PGM3: variants seen among roughly 807,000 people sequenced by gnomAD.
The protein encoded by PGM3 is phosphoglucomutase 3.
In PGM3, 40 loss-of-function variants were observed where a neutral mutation model predicts 66.2. The ratio of observed to expected loss-of-function variants is 0.60; its 90% CI spans 0.47 to 0.79. The LOEUF (loss-of-function observed/expected upper bound fraction) is 0.79. PGM3 is among the 30% of genes least tolerant of loss of function. The pLI, the probability that PGM3 is intolerant of heterozygous loss-of-function variation, is 0.00. For missense variants in PGM3, 537 were observed against 643.4 expected, an observed-to-expected ratio of 0.83 and a Z score of 1.79; for synonymous variants, 191 against 224.2, an observed-to-expected ratio of 0.85 and a Z score of 1.32.
Position 83,166,491 on chromosome 6 carries a change from A to G in PGM3, c.*2743T>C, listed in dbSNP as rs756395399. ...CCTATTTTGAACTCAGAAAATCGCT[A>G]AATTTGATTTTTGTCTAACATCATT... On this transcript the variant is annotated 3_prime_UTR_variant, in exon 13 of 13. Transcript: ENST00000513973. 2.9e-6 allele frequency: 2 copies of G among 698,276 alleles called. No individual in the cohort carries two copies. Among genetic ancestry groups the G allele is most frequent in the South Asian group, 1.5e-5 (1 of 65,778 alleles). The allele number at this position is 698,276 out of a possible 1,614,324, so 43.3% of individuals were successfully genotyped here.
intron 10 of PGM3, 116 bp from the exon 11 acceptor site, chr6:83,172,175 T>C: frequency 2.0e-6 from 2 of 978,584 alleles, no homozygotes; most frequent in African/African-American, 1.6e-5. Context: ...ATCTGAAACA[T>C]GCTGAGTGCC....
chr6:83,155,696 G>T, the PGM3 span, among the ~76,000 whole-genome samples: 172 of 152,250 alleles, frequency 1.1e-3, 1 homozygote, highest in African/African-American at 3.9e-3. Flanking sequence ...TATATAAATG[G>T]TATTAGTGGT....
intron 3 of PGM3, among the ~76,000 whole-genome samples, chr6:83,187,821 A>T (rs950813832): frequency 3.3e-5 from 5 of 152,256 alleles, no homozygotes. Flanking sequence ...AAAAAATAAT[A>T]AAAAAACTGC....
intron 12 of PGM3, chr6:83,169,938 T>C: frequency 2.6e-6 from 1 of 388,800 alleles, no homozygotes; most frequent in African/African-American, 2.1e-5. Flanking sequence ...GACTTAGAAA[T>C]GAACTACAAA....
chr6:83,167,054 T>G lies in PGM3; in HGVS notation c.*2180A>C. On this transcript the variant is annotated 3_prime_UTR_variant, in exon 13 of 13. Transcript: ENST00000513973. ...GCTGTGTTTGTGTAATTCAGGTGGC[T>G]TCTCAAACTAGCCTCTTAATACCCA... is the stretch of plus-strand genomic sequence containing the variant. 1 of 985,424 alleles carries G rather than the reference T, an allele frequency of 1.0e-6. No homozygotes were observed. The highest frequency in any genetic ancestry group is 4.7e-5 in the South Asian group (1 of 21,288). 61.0% of individuals were successfully genotyped at this position (985,424 alleles called of 1,614,324 possible).
chr6:83,172,148 C>A, intron 10 of PGM3, 89 bp from the exon 11 acceptor site: 1 of 1,310,858 alleles, frequency 7.6e-7, no homozygotes, highest in Non-Finnish European at 1.1e-6. Flanking sequence ...AATCACAGTA[C>A]AGGTTGAACA....
chr6:83,190,650 A>G, intron 2 of PGM3, 159 bp downstream of exon 2: 2 of 618,924 alleles, frequency 3.2e-6, no homozygotes, highest in Non-Finnish European at 5.8e-6. Flanking sequence ...CTTAATGATC[A>G]TGCTCTTAAA....
downstream of PGM3, among the ~76,000 whole-genome samples, chr6:83,164,069 T>A (rs555247059): frequency 6.7e-6 from 1 of 148,932 alleles, no homozygotes; most frequent in East Asian, 2.0e-4. Flanking sequence ...ATTGTACAAT[T>A]TGGGAGTGAT....
intron 11 of PGM3, 116 bp downstream of exon 11, chr6:83,171,821 A>G (rs2128483946): frequency 1.2e-6 from 1 of 800,792 alleles, no homozygotes. Flanking sequence ...TATGTATCAT[A>G]TGTGTATGTA....
At position 83,170,314 on chromosome 6, in the gene PGM3, T is replaced by A; in HGVS notation, c.1530A>T (p.Ala510=). The change falls in exon 12 of 13, where the codon GCA becomes GCT. Residue 510 remains alanine, a synonymous_variant. Transcript: ENST00000513973. ...TEDVVRVYAE[A]DSQESADHLA... ...AACTATCCCAGCTTACTTGTGAGTC[T>A]GCTTCTGCATATACTCGGACGACAT... The A allele has an allele frequency of 6.2e-7, 1 of 1,614,162 alleles. No homozygotes were observed. Among genetic ancestry groups the A allele is most frequent in the Non-Finnish European group, 8.5e-7 (1 of 1,179,982 alleles).
chr6:83,175,746 T>G (rs1223620427), intron 9 of PGM3, among the ~76,000 whole-genome samples: 2 of 152,174 alleles, frequency 1.3e-5, no homozygotes, highest in African/African-American at 4.8e-5. Flanking sequence ...TCAAAACACC[T>G]TAGTATATCT....
At chr6:83,153,558 G>A in the PGM3 span, 1 of 1,610,054 alleles carries the variant, frequency 6.2e-7, no homozygotes, top group Non-Finnish European at 8.5e-7. Context: ...ATGAAAAGGA[G>A]CGGGTTATTC....
chr6:83,151,467 A>C, the PGM3 span: 2 of 604,732 alleles, frequency 3.3e-6, no homozygotes, highest in Non-Finnish European at 2.8e-6. Context: ...GGATATGTAT[A>C]TATATTAAAT....
downstream of PGM3, among the ~76,000 whole-genome samples, chr6:83,163,677 A>T (rs1467543725): frequency 6.6e-6 from 1 of 152,168 alleles, no homozygotes; most frequent in African/African-American, 2.4e-5. Context: ...CTTGCCCTTA[A>T]CATGAGATAT....
At chr6:83,176,229 A>G (rs528406675) in intron 8 of PGM3, 169 bp from the exon 9 acceptor site, 91 of 526,986 alleles carry the variant, frequency 1.7e-4, no homozygotes, top group East Asian at 1.6e-3. Context: ...TGGAAGCATG[A>G]ACACACTCTG....
the PGM3 span, among the ~76,000 whole-genome samples, chr6:83,149,841 G>A: frequency 6.6e-6 from 1 of 152,286 alleles, no homozygotes; most frequent in Admixed American, 6.5e-5. Flanking sequence ...GCATTTGATT[G>A]TCCAGAACCA....
chr6:83,152,065 C>T, the PGM3 span: 2 of 1,609,524 alleles, frequency 1.2e-6, no homozygotes, highest in East Asian at 4.5e-5. Context: ...TATCTGTAAG[C>T]AGGCATATAT....
At chr6:83,188,533 T>C (rs759337642) in intron 3 of PGM3, 81 bp downstream of exon 3, 45 of 1,150,258 alleles carry the variant, frequency 3.9e-5, no homozygotes, top group Non-Finnish European at 5.1e-5. Flanking sequence ...TTCTTTCCAT[T>C]TGTCTTGGAT....
Position 83,165,149 on chromosome 6 carries a change from T to G in PGM3, c.*4085A>C, listed in dbSNP as rs1785158798. On this transcript the variant is annotated 3_prime_UTR_variant, in exon 13 of 13. Transcript: ENST00000513973. Reference sequence around the variant, plus strand: ...CTTTATTGTTGAATTGCAGTTTGATTTAGGGGATTAGAGGTGGTATGGTAC... The same window carrying G: ...CTTTATTGTTGAATTGCAGTTTGATGTAGGGGATTAGAGGTGGTATGGTAC... The G allele has an allele frequency of 1.3e-5, 2 of 156,234 alleles. No individual in the cohort carries two copies. Among genetic ancestry groups the G allele is most frequent in the South Asian group, 3.9e-4 (2 of 5,104 alleles). The allele number at this position is 156,234 out of a possible 1,614,324, so 9.7% of individuals were successfully genotyped here.
Sources: allele counts gnomAD v4.1 joint callset (sites outside exome capture counted in the v4.1 genomes callset), GRCh38; gene constraint gnomAD v4.1.1; transcripts MANE v1.5; gene names NCBI Gene and HGNC (gene_info 2026-07-23, HGNC 2026-07-21).